Variants in ANK2 observed in about 807,000 individuals in gnomAD.
The protein encoded by ANK2 is ankyrin-2.
Under a neutral mutation model 360.5 loss-of-function variants are expected in ANK2, and 83 were observed. The ratio of observed to expected loss-of-function variants is 0.23; its 90% CI spans 0.19 to 0.28. The LOEUF is 0.28. ANK2 is among the 10% of genes least tolerant of loss of function. The probability of loss-of-function intolerance (pLI) is 1.00; values close to 1 mark genes in which losing one functional copy is unlikely to be tolerated. For missense variants in ANK2, 4,201 were observed against 4,795.7 expected, an observed-to-expected ratio of 0.88 and a Z score of 3.66; for synonymous variants, 1,740 against 1,759.5, an observed-to-expected ratio of 0.99 and a Z score of 0.28.
chr4:113,042,579 A>G (rs2063240542), intron 2 of ANK2, among the ~76,000 whole-genome samples: 1 of 152,180 alleles, frequency 6.6e-6, no homozygotes, highest in Admixed American at 6.5e-5. Flanking sequence ...TGTCAGTAAC[A>G]GATACCTACG....
At chr4:112,719,655 G>C in the ANK2 span, among the ~76,000 whole-genome samples, 3 of 151,872 alleles carry the variant, frequency 2.0e-5, no homozygotes, top group East Asian at 1.9e-4. Context: ...GTGAACCCAG[G>C]GGGCGGAGCT....
intron 2 of ANK2, among the ~76,000 whole-genome samples, chr4:112,938,629 G>A (rs2093954434): frequency 6.6e-6 from 1 of 152,188 alleles, no homozygotes. Flanking sequence ...GGCAAGCTAA[G>A]TAAATTTTTA....
intron 41 of ANK2, among the ~76,000 whole-genome samples, chr4:113,365,711 G>A (rs2096500876): frequency 6.9e-6 from 1 of 144,394 alleles, no homozygotes; most frequent in Non-Finnish European, 1.5e-5. Context: ...TTTACATGTT[G>A]TCTTCTTCCT....
the ANK2 span, among the ~76,000 whole-genome samples, chr4:112,745,011 C>G: frequency 1.3e-5 from 2 of 152,136 alleles, no homozygotes; most frequent in African/African-American, 4.8e-5. Context: ...AGCCCTTTTT[C>G]TCTATATGTC....
At chr4:112,906,772 A>C (rs1028682612) in intron 2 of ANK2, among the ~76,000 whole-genome samples, 1 of 152,154 alleles carries the variant, frequency 6.6e-6, no homozygotes, top group Non-Finnish European at 1.5e-5. Context: ...CAAGGATTGA[A>C]GTATCGTTTG....
chr4:113,348,520 T>A (rs921429249), intron 36 of ANK2, among the ~76,000 whole-genome samples: 4 of 152,190 alleles, frequency 2.6e-5, no homozygotes, highest in Admixed American at 6.6e-5. Flanking sequence ...ATTGTTGCCA[T>A]GTCGCTATGC....
At chr4:112,903,918 T>C (rs2084318065) in intron 1 of ANK2, among the ~76,000 whole-genome samples, 1 of 152,186 alleles carries the variant, frequency 6.6e-6, no homozygotes, top group Non-Finnish European at 1.5e-5. Flanking sequence ...GATAAATAGA[T>C]ACGATATATG....
At chr4:113,239,702 T>C (rs1163988491) in intron 7 of ANK2, among the ~76,000 whole-genome samples, 1 of 152,162 alleles carries the variant, frequency 6.6e-6, no homozygotes, top group Non-Finnish European at 1.5e-5. Flanking sequence ...TTCAGACTTA[T>C]TTTTTAAACA....
intron 29 of ANK2, 81 bp from the exon 30 acceptor site, chr4:113,335,765 A>T: frequency 7.1e-7 from 1 of 1,399,606 alleles, no homozygotes. Flanking sequence ...TTCATTATTA[A>T]CCGAGCGAAT....
intron 1 of ANK2, among the ~76,000 whole-genome samples, chr4:113,064,330 G>A (rs1226205669): frequency 1.3e-5 from 2 of 152,138 alleles, no homozygotes; most frequent in East Asian, 1.9e-4. Flanking sequence ...AGCACTCTGT[G>A]TGACTTACCG....
chr4:113,056,729 C>T (rs1216576829), intron 1 of ANK2, among the ~76,000 whole-genome samples: 1 of 152,150 alleles, frequency 6.6e-6, no homozygotes, highest in Non-Finnish European at 1.5e-5. Flanking sequence ...TTCATGCCTA[C>T]ATCCCAACCC....
intron 1 of ANK2, among the ~76,000 whole-genome samples, chr4:113,131,128 C>T (rs955954432): frequency 2.0e-5 from 3 of 152,114 alleles, no homozygotes; most frequent in Non-Finnish European, 4.4e-5. Context: ...AACTACTAAT[C>T]CTCCTGTTTT....
chr4:113,055,329 G>A (rs1273633488), intron 1 of ANK2, among the ~76,000 whole-genome samples: 2 of 152,084 alleles, frequency 1.3e-5, no homozygotes, highest in Non-Finnish European at 2.9e-5. Context: ...CGAGGGTGAG[G>A]TCATAGTAAG....
In ANK2 at chr4:113,282,886, TC is replaced by T; in HGVS notation, c.2079+15del. 6.2e-7 allele frequency: 1 copy of T among 1,613,610 alleles called. No individual in the cohort carries two copies. Among genetic ancestry groups the T allele is most frequent in the African/African-American group, 1.3e-5 (1 of 75,044 alleles). On this transcript the variant is annotated intron_variant, in intron 18 of 45. Transcript: ENST00000357077. ...ATGTCAACTAAGGTATTCTGTCCTT[TC>T]TTGCATCAATCAAGAGTGTTTTGGA...
At chr4:112,794,119 A>G in the ANK2 span, among the ~76,000 whole-genome samples, 2 of 152,232 alleles carry the variant, frequency 1.3e-5, no homozygotes, top group Non-Finnish European at 2.9e-5. Context: ...ACATTTTACA[A>G]TGCAAACACA....
chr4:112,839,903 C>T lies in ANK2; in HGVS notation c.-40+21639C>T, dbSNP rs537443886. Among the ~76,000 whole-genome samples the T allele has an allele frequency of 5.3e-5, 8 of 152,256 alleles. No homozygotes were observed. The East Asian group carries it at 1.2e-3, about 22-fold the overall frequency. On this transcript the variant is annotated intron_variant, in intron 1 of 30. Coordinates refer to the ANK2 transcript ENST00000503271. ...ACCATATTTTTCCTTCAGGGAAAAA[C>T]CTCTTAAAAATGCCTATTTGTAATC... is the stretch of plus-strand genomic sequence containing the variant.
At chr4:112,977,423 C>T (rs1008289492) in intron 2 of ANK2, among the ~76,000 whole-genome samples, 4 of 151,694 alleles carry the variant, frequency 2.6e-5, no homozygotes, top group Admixed American at 6.6e-5. Context: ...AAAATTGAAA[C>T]GTGAATTTGA....
intron 1 of ANK2, among the ~76,000 whole-genome samples, chr4:112,821,610 C>G (rs2057065399): frequency 6.6e-6 from 1 of 150,912 alleles, no homozygotes; most frequent in African/African-American, 2.4e-5. Context: ...TCAAGTGATC[C>G]TCTCACCTCA....
intron 4 of ANK2, among the ~76,000 whole-genome samples, chr4:113,230,957 C>T (rs1326952961): frequency 6.6e-6 from 1 of 151,654 alleles, no homozygotes; most frequent in Non-Finnish European, 1.5e-5. Context: ...GATAGAATTT[C>T]AAAATGGCTT....
Sources: allele counts gnomAD v4.1 joint callset (sites outside exome capture counted in the v4.1 genomes callset), GRCh38; gene constraint gnomAD v4.1.1; transcripts MANE v1.5; gene names NCBI Gene and HGNC (gene_info 2026-07-23, HGNC 2026-07-21).